MAPK14: variants seen among roughly 807,000 people sequenced by gnomAD.
The protein encoded by MAPK14 is mitogen-activated protein kinase 14.
A neutral mutation model predicts 49.6 loss-of-function variants in MAPK14; 16 were observed. The ratio of observed to expected loss-of-function variants is 0.32; its 90% confidence interval spans 0.22 to 0.49. The LOEUF (loss-of-function observed/expected upper bound fraction) is 0.49, where lower values mean the gene tolerates loss of function less well. MAPK14 is among the 20% of genes least tolerant of loss of function. The pLI is 0.99. For synonymous variants in MAPK14, 142 were observed against 158.0 expected (o/e 0.90, Z 0.76); for missense variants, 200 against 441.2 (o/e 0.45, Z 4.90).
At chr6:36,056,718 A>G (rs1278861966) in intron 2 of MAPK14, among the ~76,000 whole-genome samples, 3 of 152,246 alleles carry the variant, frequency 2.0e-5, no homozygotes, top group Non-Finnish European at 2.9e-5. Context: ...CACAATCACA[A>G]TGGAAACACT....
chr6:36,052,548 T>C, intron 1 of MAPK14, 151 bp from the exon 2 acceptor site: 3 of 534,686 alleles, frequency 5.6e-6, no homozygotes, highest in Non-Finnish European at 9.0e-6. Context: ...ATTTGGATAA[T>C]GGGATAATAG....
At chr6:36,035,717 G>C (rs1334657282) in intron 1 of MAPK14, among the ~76,000 whole-genome samples, 1 of 152,200 alleles carries the variant, frequency 6.6e-6, no homozygotes, top group Non-Finnish European at 1.5e-5. Context: ...ACACAGCCTT[G>C]TTGCTGAGCT....
chr6:36,027,946 G>A lies in MAPK14; in HGVS notation c.-212G>A. ...CGGAGCGCGTCCCTGCCCTTAGCGG[G>A]GCTTGCCCCAGTCGCAGGGGCACAT... On this transcript the variant is annotated 5_prime_UTR_variant, in exon 1 of 12. Transcript: ENST00000229794. 1 of 432,630 alleles carries A rather than the reference G, an allele frequency of 2.3e-6. No homozygotes were observed. Among genetic ancestry groups the A allele is most frequent in the Non-Finnish European group, 4.0e-6 (1 of 249,672 alleles). The allele number at this position is 432,630 out of a possible 1,614,324, so 26.8% of individuals were successfully genotyped here.
the MAPK14 span, among the ~76,000 whole-genome samples, chr6:36,120,328 G>A: frequency 4.6e-5 from 7 of 152,116 alleles, no homozygotes; most frequent in Non-Finnish European, 7.3e-5. Flanking sequence ...AGTGAATATG[G>A]CATGTGTGTG....
chr6:36,122,563 C>G, the MAPK14 span, among the ~76,000 whole-genome samples: 1 of 152,206 alleles, frequency 6.6e-6, no homozygotes, highest in Non-Finnish European at 1.5e-5. Context: ...AAGCCCCTAC[C>G]CTCGCCAACC....
intron 8 of MAPK14, among the ~76,000 whole-genome samples, chr6:36,089,479 G>A (rs895090990): frequency 5.3e-5 from 8 of 152,112 alleles, no homozygotes; most frequent in South Asian, 2.1e-4. Flanking sequence ...AGCAAACCAC[G>A]ATGGCACATA....
intron 3 of MAPK14, among the ~76,000 whole-genome samples, chr6:36,065,461 G>C (rs1764011050): frequency 6.7e-6 from 1 of 150,240 alleles, no homozygotes; most frequent in Non-Finnish European, 1.5e-5. Context: ...GGTGGGGAAA[G>C]TACAAGTTCA....
chr6:36,054,273 G>A (rs1763510153), intron 2 of MAPK14, among the ~76,000 whole-genome samples: 1 of 152,164 alleles, frequency 6.6e-6, no homozygotes, highest in African/African-American at 2.4e-5. Context: ...TGAAATGCAA[G>A]CCAAACATTT....
intron 8 of MAPK14, among the ~76,000 whole-genome samples, chr6:36,088,536 T>G (rs908486895): frequency 3.9e-4 from 59 of 151,972 alleles, no homozygotes; most frequent in African/African-American, 1.2e-3. Flanking sequence ...TCCTGACTAA[T>G]TTGGCGAAAC....
At chr6:36,054,200 C>T (rs1038939011) in intron 2 of MAPK14, among the ~76,000 whole-genome samples, 2 of 152,106 alleles carry the variant, frequency 1.3e-5, no homozygotes, top group African/African-American at 4.8e-5. Flanking sequence ...TTTTTCATTA[C>T]ACATTATTAT....
At chr6:36,030,435 C>T (rs896433385) in intron 1 of MAPK14, among the ~76,000 whole-genome samples, 1 of 152,134 alleles carries the variant, frequency 6.6e-6, no homozygotes, top group Non-Finnish European at 1.5e-5. Context: ...CGCCTGTAAT[C>T]CCAGCACTTT....
At chr6:36,030,673 C>T (rs1228879909) in intron 1 of MAPK14, among the ~76,000 whole-genome samples, 2 of 121,484 alleles carry the variant, frequency 1.6e-5, no homozygotes, top group Non-Finnish European at 3.3e-5. Flanking sequence ...GGCGAAAGTG[C>T]GAGACGCCGT....
At chr6:36,062,966 G>A (rs894344832) in intron 3 of MAPK14, among the ~76,000 whole-genome samples, 1 of 152,048 alleles carries the variant, frequency 6.6e-6, no homozygotes, top group Non-Finnish European at 1.5e-5. Flanking sequence ...CCTACAGTTG[G>A]CTTTTAATCA....
intron 1 of MAPK14, among the ~76,000 whole-genome samples, chr6:36,029,912 GTATATACATATTATATAGGTA>G (rs1425910671): frequency 1.3e-3 from 204 of 151,580 alleles, no homozygotes; most frequent in African/African-American, 4.7e-3. Context: ...TATACATTCA[GTATATACATATTATATAGGTA>G]TATACATTCA....
the MAPK14 span, among the ~76,000 whole-genome samples, chr6:36,119,852 C>T: frequency 2.0e-5 from 3 of 152,192 alleles, no homozygotes; most frequent in Non-Finnish European, 4.4e-5. Flanking sequence ...CTTGGCAGAT[C>T]TCACCAACAA....
intron 3 of MAPK14, 140 bp downstream of exon 3, chr6:36,059,487 A>T (rs1239498880): frequency 7.5e-6 from 5 of 667,642 alleles, no homozygotes; most frequent in African/African-American, 5.4e-5. Flanking sequence ...GGGTGTAGGG[A>T]TGGATACCAG....
intron 1 of MAPK14, among the ~76,000 whole-genome samples, chr6:36,039,744 C>A (rs1053209252): frequency 2.6e-4 from 39 of 152,158 alleles, no homozygotes; most frequent in Admixed American, 1.9e-3. Flanking sequence ...GTGGCTCACG[C>A]CTGTAATCCC....
At chr6:36,084,602 A>G (rs188808084) in intron 8 of MAPK14, among the ~76,000 whole-genome samples, 117 of 152,342 alleles carry the variant, frequency 7.7e-4, no homozygotes, top group African/African-American at 2.5e-3. Flanking sequence ...TCAGAGCTTG[A>G]AGACTATCTT....
intron 1 of MAPK14, among the ~76,000 whole-genome samples, chr6:36,032,768 T>A (rs1332634519): frequency 6.6e-6 from 1 of 152,260 alleles, no homozygotes; most frequent in Non-Finnish European, 1.5e-5. Context: ...TAACTACATT[T>A]TGTGGATTGC....
Sources: gnomAD v4.1 joint callset for allele counts (sites outside exome capture counted in the v4.1 genomes callset) on GRCh38, gnomAD v4.1.1 for gene constraint, MANE v1.5 for transcripts, NCBI Gene and HGNC (gene_info 2026-07-23, HGNC 2026-07-21) for gene names.